CFAP57: variants seen among roughly 807,000 people sequenced by gnomAD.
CFAP57 encodes the protein cilia and flagella associated protein 57.
In CFAP57, 116 loss-of-function variants were observed where a neutral mutation model predicts 146.8. The observed-to-expected ratio is 0.79, with a 90% CI of 0.68 to 0.92. The LOEUF is 0.92. Among genes scored for constraint, CFAP57 ranks in the 40% least tolerant of loss-of-function variants. CFAP57 has a pLI of 0.00. For synonymous variants in CFAP57, 518 were observed against 552.8 expected (o/e 0.94, Z 0.88); for missense variants, 1,377 against 1,527.2 (o/e 0.90, Z 1.64).
At chr1:43,219,615 C>T in intron 13 of CFAP57, 78 bp downstream of exon 13, 5 of 1,465,058 alleles carry the variant, frequency 3.4e-6, no homozygotes. Flanking sequence ...ATATACTGCC[C>T]AAGCTATGCT....
intron 12 of CFAP57, among the ~76,000 whole-genome samples, chr1:43,218,101 A>C (rs1372061016): frequency 2.0e-5 from 3 of 152,200 alleles, no homozygotes; most frequent in Non-Finnish European, 4.4e-5. Flanking sequence ...TGCGTAATCC[A>C]TTCCTTGATG....
chr1:43,181,397 C>A, intron 2 of CFAP57, 137 bp from the exon 3 acceptor site: 2 of 1,032,264 alleles, frequency 1.9e-6, no homozygotes, highest in South Asian at 2.8e-5. Flanking sequence ...AATACCCAAA[C>A]ACAGCTATGC....
intron 15 of CFAP57, among the ~76,000 whole-genome samples, 178 bp from the exon 16 acceptor site, chr1:43,222,646 A>G (rs570769309): frequency 6.6e-6 from 1 of 152,224 alleles, no homozygotes; most frequent in Non-Finnish European, 1.5e-5. Context: ...AAGACAGGAC[A>G]GACGGGAAGA....
At chr1:43,190,265 CTTTTTTTTTTTTT>C (rs71036614) in intron 6 of CFAP57, among the ~76,000 whole-genome samples, 34 of 71,432 alleles carry the variant, frequency 4.8e-4, no homozygotes, top group Non-Finnish European at 6.5e-4. Context: ...CATCCAGTCT[CTTTTTTTTTTTTT>C]TTTTTTTTTT....
At chr1:43,229,176 C>T (rs1645372754) in intron 18 of CFAP57, among the ~76,000 whole-genome samples, 1 of 149,150 alleles carries the variant, frequency 6.7e-6, no homozygotes, top group African/African-American at 2.5e-5. Context: ...CCCCCTTTCT[C>T]CTTCCTCATT....
chr1:43,210,185 G>C, intron 11 of CFAP57: 1 of 1,539,588 alleles, frequency 6.5e-7, no homozygotes, highest in Non-Finnish European at 8.7e-7. Context: ...GGGGCCGTTT[G>C]GTGGATGCCG....
Position 43,172,792 on chromosome 1 carries a change from T to C in CFAP57, c.39T>C (p.Gly13=), listed in dbSNP as rs1234166756. Residue 13 remains glycine, a synonymous_variant, in exon 2 of 23, where the codon GGT becomes GGC. Coordinates refer to ENST00000372492, the MANE Select transcript of CFAP57 (RefSeq NM_001378189.1). ...TAGCTCAGACGCTGCATGTTTTTGG[T>C]CTTCGATCCCACGTGGCCAACAATA... The part of the protein sequence containing the change: ...AVVAQTLHVF[G]LRSHVANNIF... The C allele has an allele frequency of 1.1e-5, 17 of 1,614,014 alleles. No individual in the cohort carries two copies. Among genetic ancestry groups the C allele is most frequent in the Non-Finnish European group, 1.4e-5 (16 of 1,180,022 alleles).
intron 18 of CFAP57, among the ~76,000 whole-genome samples, chr1:43,229,216 G>A (rs1021743706): frequency 6.7e-6 from 1 of 148,964 alleles, no homozygotes; most frequent in Admixed American, 6.6e-5. Flanking sequence ...ATTTCAGGTC[G>A]GGTCCGTTGT....
At chr1:43,180,583 C>T (rs1352315103) in intron 2 of CFAP57, among the ~76,000 whole-genome samples, 1 of 152,070 alleles carries the variant, frequency 6.6e-6, no homozygotes, top group African/African-American at 2.4e-5. Flanking sequence ...GCAAGTTGCT[C>T]AGCAGGCGTG....
At position 43,183,581 on chromosome 1, in the gene CFAP57, C is replaced by T. The variant is rs1371241259; in HGVS notation, c.475-10C>T. 2 of 1,613,592 alleles carry T rather than the reference C, an allele frequency of 1.2e-6. No individual in the cohort carries two copies. The highest frequency in any genetic ancestry group is 1.7e-6 in the Non-Finnish European group (2 of 1,179,566). ...TAAATTTTTTTCTTCAATTCTCTCA[C>T]ATTTTACAGGTGAGCTTCAGTCCAC... On this transcript the variant is annotated splice_polypyrimidine_tract_variant and intron_variant, in intron 3 of 22. Transcript: ENST00000372492.
At chr1:43,197,813 T>C in intron 7 of CFAP57, 121 bp downstream of exon 7, 5 of 1,409,782 alleles carry the variant, frequency 3.5e-6, no homozygotes, top group Admixed American at 2.0e-5. Flanking sequence ...TGGAAAAGAT[T>C]TTTAAAAAAT....
intron 3 of CFAP57, 74 bp downstream of exon 3, chr1:43,181,924 A>G (rs1645427319): frequency 6.6e-7 from 1 of 1,515,572 alleles, no homozygotes; most frequent in African/African-American, 1.4e-5. Flanking sequence ...TTTTCTGTGT[A>G]CCACAGTTCT....
chr1:43,242,380 A>C (rs1238459440), intron 21 of CFAP57, among the ~76,000 whole-genome samples: 1 of 152,250 alleles, frequency 6.6e-6, no homozygotes, highest in Non-Finnish European at 1.5e-5. Context: ...CTCTAGGATT[A>C]ACATAGTATC....
intron 12 of CFAP57, 132 bp downstream of exon 12, chr1:43,215,548 A>G (rs1308675665): frequency 2.4e-5 from 26 of 1,065,896 alleles, no homozygotes; most frequent in Non-Finnish European, 3.2e-5. Flanking sequence ...GGCTCCCTGC[A>G]CATCTGCTGT....
intron 13 of CFAP57, among the ~76,000 whole-genome samples, chr1:43,221,171 C>T (rs1557796656): frequency 6.6e-6 from 1 of 152,104 alleles, no homozygotes; most frequent in Non-Finnish European, 1.5e-5. Flanking sequence ...GAAATAGGAA[C>T]AGTATAGAGC....
intron 6 of CFAP57, among the ~76,000 whole-genome samples, chr1:43,188,758 A>G (rs1284495231): frequency 6.6e-6 from 1 of 151,826 alleles, no homozygotes; most frequent in Admixed American, 6.6e-5. Context: ...TGAAGTTTTC[A>G]ATTTTGATGA....
At position 43,172,359 on chromosome 1, in the gene CFAP57, G is replaced by A; in HGVS notation, c.-114G>A. 1 of 1,551,600 alleles carries A rather than the reference G, an allele frequency of 6.4e-7. No homozygotes were observed. The highest frequency in any genetic ancestry group is 8.7e-7 in the Non-Finnish European group (1 of 1,146,976). ...CCGGTTTGTCGTTGCTATAGGAACC[G>A]CTACGGCGTTTGAAAGTGTCCGGGT... On this transcript the variant is annotated 5_prime_UTR_variant, in exon 1 of 23. Transcript: ENST00000372492.
In CFAP57 at chr1:43,204,131, C is replaced by T. The variant is rs1428974486; in HGVS notation, c.1543-2589C>T. ...CTGTTGAGCCTTCCAGTGAATTTTT[C>T]GTTTTGGTTATTGTACTTTTCAACT... On this transcript the variant is annotated intron_variant, in intron 9 of 22. Transcript: ENST00000372492. Among the ~76,000 whole-genome samples, 9 of 152,264 alleles carry T rather than the reference C, an allele frequency of 5.9e-5. No homozygotes were observed. The East Asian group carries it at 7.7e-4, about 13-fold the overall frequency.
At chr1:43,197,205 A>C (rs1643899812) in intron 6 of CFAP57, among the ~76,000 whole-genome samples, 1 of 151,988 alleles carries the variant, frequency 6.6e-6, no homozygotes, top group Non-Finnish European at 1.5e-5. Flanking sequence ...ATACAAAAAA[A>C]AATTAGCCGG....
Sources: gnomAD v4.1 joint callset for allele counts (sites outside exome capture counted in the v4.1 genomes callset) on GRCh38, gnomAD v4.1.1 for gene constraint, MANE v1.5 for transcripts, NCBI Gene and HGNC (gene_info 2026-07-23, HGNC 2026-07-21) for gene names.